Variants in XPNPEP1 observed in about 807,000 individuals in gnomAD.
XPNPEP1 encodes the protein xaa-Pro aminopeptidase 1.
In XPNPEP1, 39 loss-of-function variants were observed where a neutral mutation model predicts 92.4. The ratio of observed to expected loss-of-function variants is 0.42; its 90% confidence interval spans 0.33 to 0.55. XPNPEP1 has a LOEUF of 0.55. Among genes scored for constraint, XPNPEP1 ranks in the 20% least tolerant of loss-of-function variants. XPNPEP1 has a pLI of 0.08. For synonymous variants in XPNPEP1, 307 were observed against 299.4 expected, an observed-to-expected ratio of 1.03 and a Z score of -0.26; for missense variants, 654 against 856.1, an observed-to-expected ratio of 0.76 and a Z score of 2.95.
intron 5 of XPNPEP1, among the ~76,000 whole-genome samples, chr10:109,890,105 C>G (rs935042472): frequency 3.2e-4 from 49 of 152,332 alleles, no homozygotes; most frequent in Non-Finnish European, 3.8e-4. Flanking sequence ...TCTCCCTACA[C>G]AGAAGACTCG....
chr10:109,907,590 T>C (rs1849621837), intron 3 of XPNPEP1, 101 bp downstream of exon 3: 2 of 1,550,086 alleles, frequency 1.3e-6, no homozygotes, highest in Non-Finnish European at 8.7e-7. Context: ...AAGGGCTTGG[T>C]TGTGGCCCTG....
chr10:109,911,306 G>A (rs1050348742), intron 2 of XPNPEP1, among the ~76,000 whole-genome samples: 11 of 152,162 alleles, frequency 7.2e-5, no homozygotes, highest in African/African-American at 1.9e-4. Context: ...GAGGGGAGAC[G>A]GGGTCTTACT....
chr10:109,909,374 T>G (rs3758408), intron 2 of XPNPEP1, among the ~76,000 whole-genome samples: 1 of 151,992 alleles, frequency 6.6e-6, no homozygotes, highest in Non-Finnish European at 1.5e-5. Context: ...AAAACCAGAG[T>G]TGGAATCACC....
chr10:109,920,061 G>C (rs1850453195), intron 1 of XPNPEP1, among the ~76,000 whole-genome samples: 1 of 151,568 alleles, frequency 6.6e-6, no homozygotes. Context: ...AGAAAAGAAA[G>C]AAATCACACC....
In XPNPEP1 at chr10:109,869,866, G is replaced by A. The variant is rs187581402; in HGVS notation, c.1773+87C>T. On this transcript the variant is annotated intron_variant, in intron 19 of 20. Coordinates refer to ENST00000502935, the MANE Select transcript of XPNPEP1 (RefSeq NM_020383.4). ...AAACAGGAAAATTTTTAAGCTTTGC[G>A]CAGTGGCAGTATTGTAGCCAATGAG... 90 of 1,336,506 alleles carry A rather than the reference G, an allele frequency of 6.7e-5. No individual in the cohort carries two copies. The Admixed American group carries it at 8.1e-4, about 12-fold the overall frequency. The allele number at this position is 1,336,506 out of a possible 1,614,324, so 82.8% of individuals were successfully genotyped here.
At chr10:109,910,027 T>C (rs1222409778) in intron 2 of XPNPEP1, among the ~76,000 whole-genome samples, 1 of 152,196 alleles carries the variant, frequency 6.6e-6, no homozygotes, top group Non-Finnish European at 1.5e-5. Context: ...TTTTGAAAAA[T>C]GTGTAATGGC....
chr10:109,900,172 G>A (rs1421332892), intron 3 of XPNPEP1, among the ~76,000 whole-genome samples: 1 of 152,196 alleles, frequency 6.6e-6, no homozygotes, highest in East Asian at 1.9e-4. Flanking sequence ...GGAACAGCGT[G>A]TGGGTGTGTA....
chr10:109,918,140 G>C (rs1420477300), intron 1 of XPNPEP1, among the ~76,000 whole-genome samples: 7 of 151,620 alleles, frequency 4.6e-5, no homozygotes, highest in Admixed American at 4.6e-4. Flanking sequence ...AAACAAAAAA[G>C]CCCAGGCACA....
intron 20 of XPNPEP1, 28 bp from the exon 21 acceptor site, chr10:109,865,340 T>C (rs1847079156): frequency 1.2e-6 from 2 of 1,613,658 alleles, no homozygotes; most frequent in Non-Finnish European, 1.7e-6. Flanking sequence ...ACAGACACGG[T>C]ATTCACCACT....
At chr10:109,881,025 G>A (rs1380181478) in intron 10 of XPNPEP1, 94 bp from the exon 11 acceptor site, 1 of 1,257,838 alleles carries the variant, frequency 8.0e-7, no homozygotes, top group African/African-American at 1.5e-5. Flanking sequence ...ACTTACTTTA[G>A]ACAAATCATT....
intron 12 of XPNPEP1, chr10:109,878,379 C>A (rs76047054): frequency 3.0e-4 from 74 of 244,568 alleles, no homozygotes; most frequent in African/African-American, 1.7e-3. Flanking sequence ...GAAAATCATT[C>A]TAGAGAAATA....
At chr10:109,871,961 C>A in intron 16 of XPNPEP1, 100 bp from the exon 17 acceptor site, 2 of 1,200,108 alleles carry the variant, frequency 1.7e-6, no homozygotes, top group African/African-American at 1.5e-5. Flanking sequence ...AAGTTTTTAG[C>A]AATATCATAG....
At chr10:109,882,955 A>G (rs1222279295) in intron 9 of XPNPEP1, among the ~76,000 whole-genome samples, 3 of 152,146 alleles carry the variant, frequency 2.0e-5, no homozygotes, top group Admixed American at 1.3e-4. Context: ...AGCCTCGCCC[A>G]GTCACCACTC....
chr10:109,893,366 T>G (rs893651308), intron 3 of XPNPEP1: 5 of 293,044 alleles, frequency 1.7e-5, no homozygotes, highest in Non-Finnish European at 3.1e-5. Flanking sequence ...CACTGAGATC[T>G]TACTCAAAAA....
chr10:109,868,837 C>G (rs1847288276), intron 19 of XPNPEP1, 125 bp from the exon 20 acceptor site: 2 of 807,512 alleles, frequency 2.5e-6, no homozygotes, highest in East Asian at 2.5e-5. Context: ...AAGTGGTGAG[C>G]TGGTCACCAC....
At chr10:109,866,375 T>A (rs1378650829) in intron 20 of XPNPEP1, among the ~76,000 whole-genome samples, 1 of 152,130 alleles carries the variant, frequency 6.6e-6, no homozygotes, top group Non-Finnish European at 1.5e-5. Flanking sequence ...TAGTAGCCCC[T>A]TCTGGGAGTC....
Position 109,869,984 on chromosome 10 carries a change from T to C in XPNPEP1, c.1742A>G (p.Asn581Ser). The C allele has an allele frequency of 6.2e-7, 1 of 1,614,148 alleles. No homozygotes were observed. ...EDGAFGIRIE[N>S]VVLVVPVKTK... is the part of the protein sequence containing the mutation. ...CTTCACAGGAACCACAAGGACAACATTCTCAATGCGAATTCCAAAAGCCCC... is the reference window on the plus strand; with the variant it reads ...CTTCACAGGAACCACAAGGACAACACTCTCAATGCGAATTCCAAAAGCCCC... Residue 581 changes from asparagine (N) to serine (S), a missense_variant, in exon 19 of 21, where the codon AAT (asparagine) becomes AGT (serine). Coordinates refer to ENST00000502935, the MANE Select transcript of XPNPEP1 (RefSeq NM_020383.4).
chr10:109,870,113 G>T (rs1847372580), intron 18 of XPNPEP1, 84 bp from the exon 19 acceptor site: 1 of 1,436,584 alleles, frequency 7.0e-7, no homozygotes, highest in Admixed American at 1.9e-5. Context: ...TTGGATGACT[G>T]CCCTACTCCA....
At chr10:109,874,504 T>C (rs1847667321) in intron 15 of XPNPEP1, among the ~76,000 whole-genome samples, 1 of 152,210 alleles carries the variant, frequency 6.6e-6, no homozygotes, top group Non-Finnish European at 1.5e-5. Context: ...TTTACACCAT[T>C]ATCAAGCAAT....
Sources: gnomAD v4.1 joint callset for allele counts (sites outside exome capture counted in the v4.1 genomes callset) on GRCh38, gnomAD v4.1.1 for gene constraint, MANE v1.5 for transcripts, NCBI Gene and HGNC (gene_info 2026-07-23, HGNC 2026-07-21) for gene names.